CHMP4A: variants seen among roughly 807,000 people sequenced by gnomAD.
CHMP4A encodes the protein charged multivesicular body protein 4A.
A neutral mutation model predicts 28.2 loss-of-function variants in CHMP4A; 29 were observed. That is an observed-to-expected ratio of 1.03 (90% confidence interval 0.77 to 1.40). CHMP4A has a LOEUF of 1.40. CHMP4A is among the 40% of genes most tolerant of loss of function. The pLI is 0.00. For synonymous variants in CHMP4A, 88 were observed against 99.3 expected, an observed-to-expected ratio of 0.89 and a Z score of 0.67; for missense variants, 241 against 263.5, an observed-to-expected ratio of 0.91 and a Z score of 0.59.
intron 5 of CHMP4A, 22 bp from the exon 6 acceptor site, chr14:24,209,957 G>A: frequency 6.2e-7 from 1 of 1,611,604 alleles, no homozygotes. Context: ...AAGATACCCA[G>A]AGAAAAGAAA....
chr14:24,210,610 C>T, intron 4 of CHMP4A, 44 bp downstream of exon 4: 1 of 1,594,252 alleles, frequency 6.3e-7, no homozygotes, highest in Non-Finnish European at 8.6e-7. Flanking sequence ...TCTGGCCAGT[C>T]CCATACTTTC....
chr14:24,213,119 G>A, intron 1 of CHMP4A: 1 of 448,106 alleles, frequency 2.2e-6, no homozygotes, highest in Non-Finnish European at 3.9e-6. Context: ...TGAACAGTGG[G>A]AGTCAGCACG....
intron 1 of CHMP4A, 88 bp from the exon 2 acceptor site, chr14:24,211,917 TGACTGTGTTATTGCTAATCCCCA>T: frequency 8.2e-7 from 1 of 1,221,180 alleles, no homozygotes; most frequent in Non-Finnish European, 1.1e-6. Context: ...GCTAGAGACC[TGACTGTGTTATTGCTAATCCCCA>T]AATCTCTACA....
rs1363166852 is a variant in CHMP4A at position 24,210,770 on chromosome 14, T to G, written c.360-2A>C. On this transcript the variant is annotated splice_acceptor_variant, in intron 3 of 5. Coordinates refer to ENST00000347519, the MANE Select transcript of CHMP4A (RefSeq NM_014169.5). LOFTEE classifies it high-confidence loss of function. ...AGTTCATCTACCTTGTCAATGTCCC[T>G]GAGAATGAGATAGATAGCTAAGAAA... 5.0e-6 allele frequency: 8 copies of G among 1,606,872 alleles called. No homozygotes were observed. The highest frequency in any genetic ancestry group is 6.8e-6 in the Non-Finnish European group (8 of 1,173,306).
intron 3 of CHMP4A, 161 bp from the exon 4 acceptor site, chr14:24,210,929 A>AT: frequency 3.2e-6 from 2 of 617,558 alleles, no homozygotes. Context: ...GCAAGTTGTG[A>AT]TCCCAGCACT....
Position 24,209,771 on chromosome 14 carries a change from C to A in CHMP4A, c.*106G>T. 9.3e-7 allele frequency: 1 copy of A among 1,073,470 alleles called. No homozygotes were observed. The highest frequency in any genetic ancestry group is 1.7e-5 in the Admixed American group (1 of 58,490). 66.5% of individuals were successfully genotyped at this position (1,073,470 alleles called of 1,614,324 possible). A position where few individuals can be genotyped will look rare whatever the true frequency, so the allele number is the denominator to read the frequency against. ...TTTTCAGGCAGGGTCACACTACCAC[C>A]CTCAGCATGACTTCCCCAAAAAGTT... On this transcript the variant is annotated 3_prime_UTR_variant, in exon 6 of 6. Coordinates refer to ENST00000347519, the MANE Select transcript of CHMP4A (RefSeq NM_014169.5).
At position 24,211,761 on chromosome 14, in the gene CHMP4A, T is replaced by A. The variant is rs1264841190; in HGVS notation, c.100A>T (p.Ile34Phe). 1 of 1,614,108 alleles carries A rather than the reference T, an allele frequency of 6.2e-7. No homozygotes were observed. The highest frequency in any genetic ancestry group is 8.5e-7 in the Non-Finnish European group (1 of 1,180,046). ...QKLKETEKIL[I>F]KKQEFLEQKI... ...TGCTCCAAAAATTCCTGTTTCTTGA[T>A]CAGTATCTTCTCTGTCTCCTTCAGT... The change falls in exon 2 of 6, where the codon ATC becomes TTC. Residue 34 changes from isoleucine to phenylalanine, a missense_variant. Physicochemically the swap from Ile to Phe is conservative, Grantham distance 21. Transcript: ENST00000347519.
At chr14:24,210,080 A>G in intron 5 of CHMP4A, 145 bp from the exon 6 acceptor site, 1 of 871,862 alleles carries the variant, frequency 1.1e-6, no homozygotes, top group Non-Finnish European at 1.9e-6. Flanking sequence ...TCTGCTTGCT[A>G]GGCTGCTGTT....
chr14:24,210,851 C>A, intron 3 of CHMP4A, 83 bp from the exon 4 acceptor site: 1 of 981,846 alleles, frequency 1.0e-6, no homozygotes, highest in Admixed American at 1.7e-5. Context: ...ACCCCTCCTG[C>A]CTTGCAGGGT....
intron 1 of CHMP4A, 67 bp downstream of exon 1, chr14:24,213,342 C>T (rs2039615105): frequency 1.4e-6 from 2 of 1,458,368 alleles, no homozygotes; most frequent in Admixed American, 2.7e-5. Context: ...GGCCGAATCT[C>T]GCCGGGGTCT....
intron 1 of CHMP4A, 179 bp from the exon 2 acceptor site, chr14:24,212,008 A>T (rs1372147190): frequency 1.8e-6 from 1 of 545,200 alleles, no homozygotes; most frequent in Non-Finnish European, 3.2e-6. Flanking sequence ...GATGTTAAAA[A>T]TCACAACTAA....
At chr14:24,210,527 T>C in intron 4 of CHMP4A, 44 bp from the exon 5 acceptor site, 1 of 1,602,328 alleles carries the variant, frequency 6.2e-7, no homozygotes, top group Non-Finnish European at 8.5e-7. Context: ...GAAAAAAACT[T>C]CTACCTCCAA....
rs376704424 is a variant in CHMP4A at position 24,213,457 on chromosome 14, C to T, written c.-18G>A. 1.3e-5 allele frequency: 21 copies of T among 1,612,564 alleles called. No homozygotes were observed. Among genetic ancestry groups the T allele is most frequent in the Non-Finnish European group, 1.8e-5 (21 of 1,179,616 alleles). On this transcript the variant is annotated 5_prime_UTR_variant, in exon 1 of 6. Transcript: ENST00000347519. ...CCACTCATCGCGAGCTCGCCTCTCC[C>T]GCCTCCGCCCCTCAGCGTCCTCCAG...
chr14:24,209,890 T>G lies in CHMP4A; in HGVS notation c.656A>C (p.Glu219Ala). ...AGCCCAGATTTATCAGGATACCCAC[T>G]CAGCCAACTGCTTTAGTGCTTCTTC... ...EDEEALKQLA[E>A]WVS Residue 219 changes from glutamate (E) to alanine (A), a missense_variant, in exon 6 of 6, where the codon GAG (glutamate) becomes GCG (alanine). Glu to Ala is a moderately radical substitution (Grantham distance 107). Coordinates refer to ENST00000347519, the MANE Select transcript of CHMP4A (RefSeq NM_014169.5). The G allele has an allele frequency of 6.2e-7, 1 of 1,614,058 alleles. No individual in the cohort carries two copies. The highest frequency in any genetic ancestry group is 1.1e-5 in the South Asian group (1 of 91,082).
At chr14:24,210,569 C>G in intron 4 of CHMP4A, 85 bp downstream of exon 4, 1 of 1,597,396 alleles carries the variant, frequency 6.3e-7, no homozygotes, top group African/African-American at 1.3e-5. Context: ...CCCTCCCAAA[C>G]TTGTCCCAAG....
intron 3 of CHMP4A, 44 bp from the exon 4 acceptor site, chr14:24,210,812 C>T (rs2039585293): frequency 1.4e-6 from 2 of 1,412,302 alleles, no homozygotes; most frequent in South Asian, 2.3e-5. Context: ...AACAATGCCC[C>T]CTTGACTTTC....
At chr14:24,213,288 C>G (rs1213197961) in intron 1 of CHMP4A, 121 bp downstream of exon 1, 3 of 1,239,286 alleles carry the variant, frequency 2.4e-6, no homozygotes, top group Non-Finnish European at 3.2e-6. Flanking sequence ...GTTTTCCAGT[C>G]AGCCTGTCTC....
rs1375761890 is a variant in CHMP4A, at chr14:24,213,487, C to T, written c.-48G>A. ...CCGCCCCTCAGCGTCCTCCAGACTT[C>T]CGCCTTGCTCCTGGGAGGGTGATGT... On this transcript the variant is annotated 5_prime_UTR_variant, in exon 1 of 6. Coordinates refer to ENST00000347519, the MANE Select transcript of CHMP4A (RefSeq NM_014169.5). The T allele has an allele frequency of 8.1e-6, 13 of 1,613,644 alleles. No individual in the cohort carries two copies. The South Asian group carries it at 1.4e-4, about 18-fold the overall frequency.
chr14:24,210,483 C>T lies in CHMP4A; in HGVS notation c.475G>A (p.Asp159Asn). 6.2e-7 allele frequency: 1 copy of T among 1,613,816 alleles called. No individual in the cohort carries two copies. The highest frequency in any genetic ancestry group is 8.5e-7 in the Non-Finnish European group (1 of 1,179,902). Residue 159 changes from aspartate (D) to asparagine (N), a missense_variant and splice_region_variant, in exon 5 of 6, where the codon GAT (aspartate) becomes AAT (asparagine). Coordinates refer to ENST00000347519, the MANE Select transcript of CHMP4A (RefSeq NM_014169.5). ...TCCTCTAGCTCCTCCAGCAGTTCAT[C>T]CTGGATAGGGAAGACAAGACCACTT... is the stretch of plus-strand genomic sequence containing the variant. ...PMGFGDDVDE[D>N]ELLEELEELE... is the part of the protein sequence containing the mutation.
Sources: gnomAD v4.1 joint callset for allele counts on GRCh38, gnomAD v4.1.1 for gene constraint, MANE v1.5 for transcripts, NCBI Gene and HGNC (gene_info 2026-07-23, HGNC 2026-07-21) for gene names.